Variants in PLA2R1 observed in about 807,000 individuals in gnomAD.
PLA2R1 encodes phospholipase A2 receptor 1.
A neutral mutation model predicts 195.9 loss-of-function variants in PLA2R1; 158 were observed. The ratio of observed to expected loss-of-function variants is 0.81; its 90% CI spans 0.71 to 0.92. The LOEUF (loss-of-function observed/expected upper bound fraction) is 0.92, where lower values mean the gene tolerates loss of function less well. PLA2R1 is among the 40% of genes least tolerant of loss of function. The probability of loss-of-function intolerance (pLI) is 0.00; values close to 1 mark genes in which losing one functional copy is unlikely to be tolerated. For missense variants in PLA2R1, 1,626 were observed against 1,764.6 expected (o/e 0.92, Z 1.41); for synonymous variants, 586 against 598.2 (o/e 0.98, Z 0.30).
At chr2:160,061,982 C>A (rs1201665347) in intron 1 of PLA2R1, among the ~76,000 whole-genome samples, 1 of 152,104 alleles carries the variant, frequency 6.6e-6, no homozygotes, top group African/African-American at 2.4e-5. Flanking sequence ...ACACTCCTAT[C>A]CCGGGCTGGC....
rs1686681587 is a variant in PLA2R1 at position 159,933,612 on chromosome 2, A to C, written c.*8166T>G. On this transcript the variant is annotated 3_prime_UTR_variant, in exon 30 of 30. Transcript: ENST00000283243. ...TTCCTCTCCCCTGAGACTGAGTTCCATGAGGGGAGAGATGGGGTGTTATTG... is the reference window on the plus strand; with the variant it reads ...TTCCTCTCCCCTGAGACTGAGTTCCCTGAGGGGAGAGATGGGGTGTTATTG... 1 of 152,018 alleles carries C rather than the reference A, an allele frequency of 6.6e-6. No homozygotes were observed. The highest frequency in any genetic ancestry group is 2.1e-4 in the South Asian group (1 of 4,830). The allele number at this position is 152,018 out of a possible 1,614,324, so 9.4% of individuals were successfully genotyped here.
intron 23 of PLA2R1, among the ~76,000 whole-genome samples, chr2:159,954,512 GTATA>G (rs56988544): frequency 9.8e-4 from 144 of 147,046 alleles, no homozygotes; most frequent in African/African-American, 3.1e-3. Context: ...TTCCAAATAA[GTATA>G]TATATATATA....
At chr2:160,021,971 T>C (rs1417961526) in intron 7 of PLA2R1, among the ~76,000 whole-genome samples, 1 of 152,094 alleles carries the variant, frequency 6.6e-6, no homozygotes, top group Admixed American at 6.5e-5. Context: ...TAATCCCAAA[T>C]GCAAATGATT....
chr2:159,988,942 A>G (rs1690555165), intron 11 of PLA2R1, among the ~76,000 whole-genome samples: 1 of 152,236 alleles, frequency 6.6e-6, no homozygotes, highest in Admixed American at 6.5e-5. Context: ...TGTCTTCAAC[A>G]GCGCTGGCTG....
intron 23 of PLA2R1, 78 bp from the exon 24 acceptor site, chr2:159,951,656 T>C: frequency 1.3e-6 from 1 of 768,170 alleles, no homozygotes; most frequent in Admixed American, 1.8e-5. Context: ...CATAGATCCT[T>C]GTCACTATGA....
intron 1 of PLA2R1, among the ~76,000 whole-genome samples, chr2:160,060,031 G>A (rs1319134097): frequency 6.6e-6 from 1 of 152,158 alleles, no homozygotes; most frequent in Admixed American, 6.5e-5. Context: ...AATCATCACA[G>A]TACAATCCAT....
Position 159,941,960 on chromosome 2 carries a change from C to A in PLA2R1, c.4210G>T (p.Val1404Leu), listed in dbSNP as rs774147212. 5 of 1,613,828 alleles carry A rather than the reference C, an allele frequency of 3.1e-6. No individual in the cohort carries two copies. The South Asian group carries it at 3.3e-5, about 11-fold the overall frequency. ...PSHSIIPLAV[V>L]LTLIVIVAIC... is the part of the protein sequence containing the mutation. ...GCCACAATGACTATCAGTGTCAGTA[C>A]AACCGCAAGAGGAATGATGCTGTGA... is the stretch of plus-strand genomic sequence containing the variant. The change falls in exon 30 of 30, where the codon GTA becomes TTA. Residue 1404 changes from valine (V) to leucine (L), a missense_variant. Coordinates refer to ENST00000283243, the MANE Select transcript of PLA2R1 (RefSeq NM_007366.5).
intron 12 of PLA2R1, among the ~76,000 whole-genome samples, chr2:159,986,308 A>G (rs935728788): frequency 6.6e-6 from 1 of 151,970 alleles, no homozygotes. Flanking sequence ...TGCAAATATT[A>G]AAAAAAACAA....
At chr2:160,026,909 G>A (rs1261009841) in intron 6 of PLA2R1, among the ~76,000 whole-genome samples, 2 of 152,132 alleles carry the variant, frequency 1.3e-5, no homozygotes, top group African/African-American at 2.4e-5. Flanking sequence ...TGAGGTGGGC[G>A]GACTGCCTCA....
At position 160,013,236 on chromosome 2, in the gene PLA2R1, G is replaced by T; in HGVS notation, c.1664+27C>A. 7.9e-6 allele frequency: 9 copies of T among 1,144,582 alleles called. No homozygotes were observed. In the South Asian group the frequency reaches 1.0e-4, roughly 13 times the overall value. 70.9% of individuals were successfully genotyped at this position (1,144,582 alleles called of 1,614,324 possible). A position where few individuals can be genotyped will look rare whatever the true frequency, so the allele number is the denominator to read the frequency against. On this transcript the variant is annotated intron_variant, in intron 10 of 29. Transcript: ENST00000283243. The stretch of plus-strand genomic sequence containing the variant: ...AGAGTCCTCATGTGAAAGCCGTCTT[G>T]TTTCTGTTAAAAAAAGTTTAATTTA...
chr2:160,046,510 C>T (rs1300177853), intron 1 of PLA2R1, among the ~76,000 whole-genome samples: 7 of 152,164 alleles, frequency 4.6e-5, no homozygotes, highest in Admixed American at 1.3e-4. Flanking sequence ...TTCTGGTAAA[C>T]GTTCTTTTGG....
chr2:159,987,371 A>T lies in PLA2R1; in HGVS notation c.1835-13T>A. ...CCACCACTGTAGCCTAAAAGCAGAAAACAAGCATTTTTAATACCAGACGAC... is the reference window on the plus strand; with the variant it reads ...CCACCACTGTAGCCTAAAAGCAGAATACAAGCATTTTTAATACCAGACGAC... On this transcript the variant is annotated splice_polypyrimidine_tract_variant and intron_variant, in intron 11 of 29. Coordinates refer to ENST00000283243, the MANE Select transcript of PLA2R1 (RefSeq NM_007366.5). The T allele has an allele frequency of 4.4e-6, 7 of 1,598,898 alleles. No individual in the cohort carries two copies. The highest frequency in any genetic ancestry group is 6.0e-6 in the Non-Finnish European group (7 of 1,171,370).
chr2:159,949,797 A>C, intron 24 of PLA2R1, 21 bp from the exon 25 acceptor site: 2 of 1,605,176 alleles, frequency 1.2e-6, no homozygotes, highest in Non-Finnish European at 1.7e-6. Context: ...AAACTGAGCC[A>C]TCATTTCCTT....
intron 3 of PLA2R1, among the ~76,000 whole-genome samples, chr2:160,033,801 G>A (rs985127357): frequency 1.3e-5 from 2 of 152,212 alleles, no homozygotes; most frequent in East Asian, 3.8e-4. Context: ...AATTAAGACT[G>A]AGTTTGGGTG....
chr2:159,956,973 T>TA (rs200097705), intron 20 of PLA2R1, among the ~76,000 whole-genome samples: 4,196 of 142,682 alleles, frequency 0.029, 200 homozygotes, highest in East Asian at 0.22. Context: ...ACATTTAATC[T>TA]AAAAAAAAAA....
chr2:159,971,898 G>C (rs933755082), intron 17 of PLA2R1, among the ~76,000 whole-genome samples: 1 of 152,106 alleles, frequency 6.6e-6, no homozygotes, highest in Non-Finnish European at 1.5e-5. Context: ...ATGCAAGATG[G>C]AACAACTGTA....
intron 24 of PLA2R1, among the ~76,000 whole-genome samples, chr2:159,951,123 T>C (rs1454222549): frequency 2.6e-5 from 4 of 152,216 alleles, no homozygotes; most frequent in Admixed American, 2.6e-4. Context: ...ATTAGGCAAG[T>C]GGATGTTTAC....
intron 12 of PLA2R1, among the ~76,000 whole-genome samples, chr2:159,986,008 G>A (rs1690300239): frequency 1.3e-5 from 2 of 152,082 alleles, no homozygotes; most frequent in African/African-American, 4.8e-5. Context: ...GCGCTTTGGG[G>A]AGCCCTCAGC....
rs2125911249 is a variant in PLA2R1 at position 159,939,312 on chromosome 2, C to G, written c.*2466G>C. The G allele has an allele frequency of 6.6e-6, 1 of 151,900 alleles. No homozygotes were observed. The highest frequency in any genetic ancestry group is 2.1e-4 in the South Asian group (1 of 4,810). 9.4% of individuals were successfully genotyped at this position (151,900 alleles called of 1,614,324 possible). On this transcript the variant is annotated 3_prime_UTR_variant, in exon 30 of 30. Transcript: ENST00000283243. ...CACGAGATCAGGAGATCGAGACCAT[C>G]CTGGACAACATGGTGAAACCCTGTC...
Sources: allele counts gnomAD v4.1 joint callset (sites outside exome capture counted in the v4.1 genomes callset), GRCh38; gene constraint gnomAD v4.1.1; transcripts MANE v1.5; gene names NCBI Gene and HGNC (gene_info 2026-07-23, HGNC 2026-07-21).